UGT1A4: variants seen among roughly 807,000 people sequenced by gnomAD.
The protein encoded by UGT1A4 is UDP-glucuronosyltransferase 1A4.
Under a neutral mutation model 41.1 loss-of-function variants are expected in UGT1A4, and 32 were observed. The observed-to-expected ratio is 0.78, with a 90% CI of 0.59 to 1.05. The LOEUF (loss-of-function observed/expected upper bound fraction) is 1.05, where lower values mean the gene tolerates loss of function less well. Among genes scored for constraint, UGT1A4 ranks in the 50% least tolerant of loss-of-function variants. The probability of loss-of-function intolerance (pLI) is 0.00; values close to 1 mark genes in which losing one functional copy is unlikely to be tolerated. For synonymous variants in UGT1A4, 283 were observed against 265.1 expected, an observed-to-expected ratio of 1.07 and a Z score of -0.66; for missense variants, 748 against 677.4, an observed-to-expected ratio of 1.10 and a Z score of -1.16.
intron 1 of UGT1A4, among the ~76,000 whole-genome samples, chr2:233,745,761 A>G (rs1420009294): frequency 2.7e-5 from 4 of 149,168 alleles, no homozygotes; most frequent in African/African-American, 1.0e-4. Flanking sequence ...GAAGGGGTGG[A>G]GAGGAGGAAT....
chr2:233,719,934 T>C (rs747645753), intron 1 of UGT1A4, among the ~76,000 whole-genome samples: 3 of 152,106 alleles, frequency 2.0e-5, no homozygotes, highest in African/African-American at 7.2e-5. Context: ...CGGACAGTGT[T>C]TGTAAAGGCA....
At chr2:233,748,764 A>G (rs1260717219) in intron 1 of UGT1A4, among the ~76,000 whole-genome samples, 3 of 151,530 alleles carry the variant, frequency 2.0e-5, no homozygotes, top group Non-Finnish European at 4.4e-5. Flanking sequence ...TTTTGGTTGC[A>G]GGTCAATTGG....
intron 1 of UGT1A4, among the ~76,000 whole-genome samples, chr2:233,765,217 G>C (rs1406021636): frequency 6.6e-6 from 1 of 152,092 alleles, no homozygotes; most frequent in Non-Finnish European, 1.5e-5. Flanking sequence ...AGTATTCTTT[G>C]CAAACATAAA....
At chr2:233,720,428 A>G (rs1040145834) in intron 1 of UGT1A4, among the ~76,000 whole-genome samples, 1 of 152,036 alleles carries the variant, frequency 6.6e-6, no homozygotes, top group African/African-American at 2.4e-5. Flanking sequence ...AGGAGATAAG[A>G]CCGTGAATCT....
At chr2:233,741,279 G>A (rs1389443810) in intron 1 of UGT1A4, among the ~76,000 whole-genome samples, 1 of 151,738 alleles carries the variant, frequency 6.6e-6, no homozygotes, top group Non-Finnish European at 1.5e-5. Flanking sequence ...TGAACAATGG[G>A]ATTTATGTAC....
chr2:233,767,930 C>A lies in UGT1A4; in HGVS notation c.1081C>A (p.Leu361Met). The change falls in exon 3 of 5, where the codon CTG (leucine) becomes ATG (methionine). Residue 361 changes from leucine to methionine, a missense_variant. By Grantham distance (15) the Leu-to-Met change is conservative (BLOSUM62 2). Coordinates refer to ENST00000373409, the MANE Select transcript of UGT1A4 (RefSeq NM_007120.3). ...ILVKWLPQND[L>M]LGHPMTRAFI... ...TGTTAAGTGGCTACCCCAAAACGAT[C>A]TGCTTGGTATGTTGGGCGGATTGGA... The A allele has an allele frequency of 6.2e-7, 1 of 1,614,200 alleles. No individual in the cohort carries two copies. The highest frequency in any genetic ancestry group is 8.5e-7 in the Non-Finnish European group (1 of 1,180,054).
At chr2:233,744,288 T>C (rs1457237548) in intron 1 of UGT1A4, among the ~76,000 whole-genome samples, 5 of 151,784 alleles carry the variant, frequency 3.3e-5, no homozygotes, top group Non-Finnish European at 7.4e-5. Context: ...TATCAGTCTT[T>C]TTCCTCGGCC....
intron 1 of UGT1A4, among the ~76,000 whole-genome samples, chr2:233,766,238 C>T (rs1302165333): frequency 6.6e-6 from 1 of 151,910 alleles, no homozygotes; most frequent in Non-Finnish European, 1.5e-5. Flanking sequence ...GAAGGGTTTC[C>T]CCTGGAGTCA....
At chr2:233,743,643 T>G in intron 1 of UGT1A4, 3 of 1,367,286 alleles carry the variant, frequency 2.2e-6, no homozygotes, top group Non-Finnish European at 2.9e-6. Context: ...TCGCGGAAGC[T>G]GAAGACGTAC....
chr2:233,731,857 C>T lies in UGT1A4; in HGVS notation c.867+12170C>T, dbSNP rs191763365. On this transcript the variant is annotated intron_variant, in intron 1 of 4. Transcript: ENST00000373409. ...TAGTTCTAGGTCCTTGAGGAATCGC[C>T]ACACTGTCTTCCACAATGGTTGAAC... Among the ~76,000 whole-genome samples, 286 of 152,314 alleles carry T rather than the reference C, an allele frequency of 1.9e-3. 1 individual carries two copies. In the South Asian group the frequency reaches 0.02, roughly 10 times the overall value.
intron 1 of UGT1A4, among the ~76,000 whole-genome samples, chr2:233,759,577 C>A (rs970785241): frequency 2.6e-5 from 4 of 151,886 alleles, no homozygotes; most frequent in Admixed American, 2.6e-4. Flanking sequence ...CATTCTCTAC[C>A]CCAGCACGCC....
chr2:233,765,286 A>G (rs1698795381), intron 1 of UGT1A4, among the ~76,000 whole-genome samples: 1 of 152,246 alleles, frequency 6.6e-6, no homozygotes. Flanking sequence ...AAATTATTCT[A>G]CTATAAAGAC....
chr2:233,743,642 C>T (rs756255073), intron 1 of UGT1A4: 3 of 1,367,306 alleles, frequency 2.2e-6, no homozygotes, highest in South Asian at 1.1e-5. Flanking sequence ...GTCGCGGAAG[C>T]TGAAGACGTA....
chr2:233,754,732 C>T (rs561827604), intron 1 of UGT1A4: 4 of 641,140 alleles, frequency 6.2e-6, no homozygotes, highest in African/African-American at 5.6e-5. Flanking sequence ...CCATCACTAC[C>T]GTAGGACATG....
chr2:233,747,319 AT>A, intron 1 of UGT1A4: 1 of 1,603,764 alleles, frequency 6.2e-7, no homozygotes, highest in Non-Finnish European at 8.5e-7. Flanking sequence ...GGTGGTACCC[AT>A]TGATGGCAGC....
Position 233,772,730 on chromosome 2 carries a change from C to A in UGT1A4, c.*171C>A. Reference sequence around the variant, plus strand: ...CTCTTAAATAAAAATAATAGACTCGCTAGTCAGTAAAGATATTTGAATATG... The same window carrying A: ...CTCTTAAATAAAAATAATAGACTCGATAGTCAGTAAAGATATTTGAATATG... On this transcript the variant is annotated 3_prime_UTR_variant, in exon 5 of 5. Transcript: ENST00000373409. 1 of 1,445,162 alleles carries A rather than the reference C, an allele frequency of 6.9e-7. No homozygotes were observed. The highest frequency in any genetic ancestry group is 9.1e-7 in the Non-Finnish European group (1 of 1,100,576). The allele number at this position is 1,445,162 out of a possible 1,614,324, so 89.5% of individuals were successfully genotyped here.
chr2:233,729,448 A>G (rs1363906847), intron 1 of UGT1A4: 1 of 1,614,064 alleles, frequency 6.2e-7, no homozygotes, highest in South Asian at 1.1e-5. Flanking sequence ...ACATTTTCTG[A>G]AGAAATTTTT....
chr2:233,743,833 G>A (rs2125856525), intron 1 of UGT1A4: 1 of 1,367,262 alleles, frequency 7.3e-7, no homozygotes, highest in African/African-American at 1.5e-5. Context: ...GGTGCCACTT[G>A]AGCGCCAGCT....
At position 233,765,498 on chromosome 2, in the gene UGT1A4, A is replaced by T. The variant is rs145381988; in HGVS notation, c.868-1536A>T. Among the ~76,000 whole-genome samples the T allele has an allele frequency of 4.4e-3, 672 of 152,238 alleles. 2 individuals carry two copies. Among genetic ancestry groups the T allele is most frequent in the African/African-American group, 0.015 (643 of 41,546 alleles). On this transcript the variant is annotated intron_variant, in intron 1 of 4. Coordinates refer to ENST00000373409, the MANE Select transcript of UGT1A4 (RefSeq NM_007120.3). ...GGAAGCCATCATCCTCCACAAACTAACACAGGAACAGAAAATCAAACACCG... is the reference window on the plus strand; with the variant it reads ...GGAAGCCATCATCCTCCACAAACTATCACAGGAACAGAAAATCAAACACCG...
Sources: gnomAD v4.1 joint callset for allele counts (sites outside exome capture counted in the v4.1 genomes callset) on GRCh38, gnomAD v4.1.1 for gene constraint, MANE v1.5 for transcripts, NCBI Gene and HGNC (gene_info 2026-07-23, HGNC 2026-07-21) for gene names.